The following AGBL4 variants were observed in gnomAD, a reference collection of about 807,000 sequenced individuals.
AGBL4 encodes cytosolic carboxypeptidase 6.
AGBL4 carries 58 observed loss-of-function variants against 66.4 expected under a neutral mutation model. That is an observed-to-expected ratio of 0.87 (90% confidence interval 0.71 to 1.09). AGBL4 has a LOEUF of 1.09. Among genes scored for constraint, AGBL4 ranks in the 50% least tolerant of loss-of-function variants. The pLI is 0.00. For synonymous variants in AGBL4, 234 were observed against 222.9 expected (o/e 1.05, Z -0.44); for missense variants, 579 against 631.0 (o/e 0.92, Z 0.88).
At chr1:49,748,589 G>A (rs1651189289) in intron 2 of AGBL4, among the ~76,000 whole-genome samples, 1 of 152,172 alleles carries the variant, frequency 6.6e-6, no homozygotes, top group Non-Finnish European at 1.5e-5. Context: ...TCGCCACACA[G>A]TCTTCCACAA....
At chr1:48,568,303 C>G (rs1041040736) in intron 11 of AGBL4, among the ~76,000 whole-genome samples, 1 of 152,212 alleles carries the variant, frequency 6.6e-6, no homozygotes, top group Non-Finnish European at 1.5e-5. Context: ...CTCTCTCTCT[C>G]TCTCTCTCTC....
intron 5 of AGBL4, among the ~76,000 whole-genome samples, chr1:49,028,036 C>A (rs1281783485): frequency 3.3e-5 from 5 of 152,094 alleles, no homozygotes; most frequent in Non-Finnish European, 7.4e-5. Flanking sequence ...CACAACACTG[C>A]ATAAGGGGAT....
At chr1:49,149,662 T>C (rs2148116150) in intron 4 of AGBL4, among the ~76,000 whole-genome samples, 1 of 152,324 alleles carries the variant, frequency 6.6e-6, no homozygotes, top group South Asian at 2.1e-4. Context: ...TGCATTTGTG[T>C]ACATCATTAA....
At chr1:49,362,815 T>C (rs1644168799) in intron 3 of AGBL4, among the ~76,000 whole-genome samples, 1 of 152,220 alleles carries the variant, frequency 6.6e-6, no homozygotes, top group East Asian at 1.9e-4. Flanking sequence ...CTCAATTGCA[T>C]ATGGGCTCAC....
intron 3 of AGBL4, among the ~76,000 whole-genome samples, chr1:49,388,729 A>G (rs1644787574): frequency 6.6e-6 from 1 of 152,114 alleles, no homozygotes. Flanking sequence ...ATGTCCCCTT[A>G]GTGTAAATTG....
intron 11 of AGBL4, among the ~76,000 whole-genome samples, chr1:48,562,108 T>C (rs903609684): frequency 3.3e-4 from 50 of 152,172 alleles, no homozygotes; most frequent in African/African-American, 1.1e-3. Context: ...ATTGCAGACC[T>C]TGGGCTTGGC....
intron 3 of AGBL4, among the ~76,000 whole-genome samples, chr1:49,549,614 T>A (rs1018416601): frequency 6.6e-6 from 1 of 152,200 alleles, no homozygotes; most frequent in Non-Finnish European, 1.5e-5. Context: ...GGAGTTGATT[T>A]CCAGTTTTAT....
chr1:49,823,861 T>C (rs1418778642), intron 2 of AGBL4, among the ~76,000 whole-genome samples: 1 of 151,708 alleles, frequency 6.6e-6, no homozygotes, highest in Non-Finnish European at 1.5e-5. Context: ...TACATTTTCT[T>C]GGCGATATAA....
intron 3 of AGBL4, among the ~76,000 whole-genome samples, chr1:49,358,507 G>A (rs919760561): frequency 6.6e-6 from 1 of 152,178 alleles, no homozygotes; most frequent in Middle Eastern, 3.2e-3. Context: ...TTATTGGACA[G>A]TGAGAACAAG....
chr1:48,856,849 C>G (rs182768512), intron 6 of AGBL4, among the ~76,000 whole-genome samples: 1 of 152,248 alleles, frequency 6.6e-6, no homozygotes, highest in East Asian at 1.9e-4. Context: ...GAAAAAAACC[C>G]AGTGACTATC....
At chr1:49,803,915 A>G (rs537745627) in intron 2 of AGBL4, among the ~76,000 whole-genome samples, 2 of 152,306 alleles carry the variant, frequency 1.3e-5, no homozygotes, top group East Asian at 3.9e-4. Flanking sequence ...AAAAGATACT[A>G]CTATTAGAAA....
chr1:48,817,637 C>T (rs757863527), intron 6 of AGBL4: 8 of 190,708 alleles, frequency 4.2e-5, no homozygotes, highest in Non-Finnish European at 8.6e-5. Flanking sequence ...CACTGATGAG[C>T]TTGAGTTCTC....
At chr1:49,033,732 C>A (rs1324341558) in intron 5 of AGBL4, among the ~76,000 whole-genome samples, 5 of 152,106 alleles carry the variant, frequency 3.3e-5, no homozygotes, top group Admixed American at 6.6e-5. Context: ...TCCTCTTCCT[C>A]CTTATCCTGG....
chr1:48,959,497 T>C lies in AGBL4; in HGVS notation c.594+86087A>G, dbSNP rs550820726. Among the ~76,000 whole-genome samples the C allele has an allele frequency of 6.6e-5, 10 of 152,148 alleles. No homozygotes were observed. In the South Asian group the frequency reaches 2.1e-3, roughly 32 times the overall value. ...ATGCTTTAATAGAAGAAAATATCAA[T>C]TAAAAAATTGACACAAAGGACACAA... On this transcript the variant is annotated intron_variant, in intron 5 of 13. Transcript: ENST00000371839.
chr1:49,966,320 G>A (rs1382819907), intron 1 of AGBL4, among the ~76,000 whole-genome samples: 1 of 152,060 alleles, frequency 6.6e-6, no homozygotes, highest in Admixed American at 6.5e-5. Flanking sequence ...TTACATAATT[G>A]TAATTACTTG....
intron 3 of AGBL4, among the ~76,000 whole-genome samples, chr1:49,377,016 A>C (rs1644485096): frequency 6.6e-6 from 1 of 152,142 alleles, no homozygotes; most frequent in African/African-American, 2.4e-5. Context: ...GGTGAAGAGA[A>C]GATAACTCAT....
At chr1:49,338,514 TA>T (rs1645480028) in intron 3 of AGBL4, among the ~76,000 whole-genome samples, 1 of 152,222 alleles carries the variant, frequency 6.6e-6, no homozygotes, top group Non-Finnish European at 1.5e-5. Flanking sequence ...TATTCATCTC[TA>T]CATATTTGTC....
intron 11 of AGBL4, chr1:48,584,004 G>A (rs1644779278): frequency 6.6e-6 from 1 of 151,908 alleles, no homozygotes; most frequent in South Asian, 2.1e-4. Flanking sequence ...TCAGTATCAC[G>A]ACCTGCTCAG....
At chr1:48,621,867 A>C (rs1645418897) in intron 9 of AGBL4, among the ~76,000 whole-genome samples, 1 of 151,200 alleles carries the variant, frequency 6.6e-6, no homozygotes, top group Non-Finnish European at 1.5e-5. Context: ...GATTTTTTTG[A>C]AGTCTAGGTT....
Sources: allele counts gnomAD v4.1 joint callset (sites outside exome capture counted in the v4.1 genomes callset), GRCh38; gene constraint gnomAD v4.1.1; transcripts MANE v1.5; gene names NCBI Gene and HGNC (gene_info 2026-07-23, HGNC 2026-07-21).